The following DSCAM variants were observed in gnomAD, a reference collection of about 807,000 sequenced individuals.
The protein encoded by DSCAM is DS cell adhesion molecule.
In DSCAM, 47 loss-of-function variants were observed where a neutral mutation model predicts 217.7. That is an observed-to-expected ratio of 0.22 (90% CI 0.17 to 0.28). The LOEUF is 0.28. Among genes scored for constraint, DSCAM ranks in the 10% least tolerant of loss-of-function variants. The pLI, the probability that DSCAM is intolerant of heterozygous loss-of-function variation, is 1.00. For synonymous variants in DSCAM, 1,056 were observed against 1,015.3 expected (o/e 1.04, Z -0.76); for missense variants, 2,080 against 2,618.3 (o/e 0.79, Z 4.49).
chr21:40,663,914 T>C lies in DSCAM; in HGVS notation c.508+28896A>G, dbSNP rs138712071. ...GTCACTTGCAATCAAGAGTTCTGAA[T>C]AATGCAAATTACTGCACAAATTCAA... is the stretch of plus-strand genomic sequence containing the variant. On this transcript the variant is annotated intron_variant, in intron 3 of 32. Coordinates refer to ENST00000400454, the MANE Select transcript of DSCAM (RefSeq NM_001389.5). Among the ~76,000 whole-genome samples, 29 of 152,322 alleles carry C rather than the reference T, an allele frequency of 1.9e-4. No individual in the cohort carries two copies. In the East Asian group the frequency reaches 3.5e-3, roughly 18 times the overall value.
intron 32 of DSCAM, among the ~76,000 whole-genome samples, chr21:40,017,499 C>A (rs897119666): frequency 6.6e-6 from 1 of 152,144 alleles, no homozygotes; most frequent in Non-Finnish European, 1.5e-5. Context: ...ACGTTGGCTT[C>A]CTACTGTCAA....
intron 1 of DSCAM, among the ~76,000 whole-genome samples, chr21:40,826,371 G>T (rs1005275750): frequency 6.6e-6 from 1 of 152,204 alleles, no homozygotes; most frequent in Admixed American, 6.5e-5. Context: ...GGAGGGGGTG[G>T]GGTGGGCCAG....
Position 40,044,115 on chromosome 21 carries a change from C to G in DSCAM, c.5346G>C (p.Glu1782Asp), listed in dbSNP as rs373304031. 151 of 1,613,960 alleles carry G rather than the reference C, an allele frequency of 9.4e-5. No homozygotes were observed. Among genetic ancestry groups the G allele is most frequent in the Non-Finnish European group, 1.2e-4 (142 of 1,180,050 alleles). The change falls in exon 31 of 33, where the codon GAG (glutamate) becomes GAC (aspartate). Residue 1782 changes from glutamate to aspartate, a missense_variant. By Grantham distance (45) the Glu-to-Asp change is conservative. Transcript: ENST00000400454. ...AGGGGCTGACGCTGTAACTGTCGCT[C>G]TCTTTGTCTACTGATCCTGCAGCCC... The part of the protein sequence containing the change: ...TPRAAGSVDK[E>D]SDSYSVSPSQ...
At chr21:40,474,551 G>A (rs1430696297) in intron 3 of DSCAM, among the ~76,000 whole-genome samples, 1 of 152,162 alleles carries the variant, frequency 6.6e-6, no homozygotes, top group African/African-American at 2.4e-5. Context: ...CGCGGGAGCT[G>A]CCGCCCTCCC....
chr21:40,760,146 A>AC (rs2091317801), intron 1 of DSCAM, among the ~76,000 whole-genome samples: 1 of 151,926 alleles, frequency 6.6e-6, no homozygotes, highest in Non-Finnish European at 1.5e-5. Flanking sequence ...GGTGCATGCC[A>AC]CCACACCCAG....
At chr21:40,231,142 T>A (rs199956484) in intron 11 of DSCAM, among the ~76,000 whole-genome samples, 33 of 131,140 alleles carry the variant, frequency 2.5e-4, no homozygotes, top group Middle Eastern at 3.8e-3. Flanking sequence ...TTTTTTTTTT[T>A]AAATTTTCCG....
At chr21:40,136,990 C>T (rs374811819) in intron 18 of DSCAM, among the ~76,000 whole-genome samples, 5 of 151,832 alleles carry the variant, frequency 3.3e-5, no homozygotes, top group South Asian at 4.2e-4. Flanking sequence ...CTGGCTAACA[C>T]GGTGAAACCC....
chr21:40,638,597 T>G (rs2089837937), intron 3 of DSCAM, among the ~76,000 whole-genome samples: 1 of 152,182 alleles, frequency 6.6e-6, no homozygotes, highest in South Asian at 2.1e-4. Context: ...TCCTCTGCTC[T>G]TGCATTCCCT....
At chr21:40,528,898 C>CTTTTT (rs911356584) in intron 3 of DSCAM, among the ~76,000 whole-genome samples, 1,392 of 99,316 alleles carry the variant, frequency 0.014, 83 homozygotes, top group South Asian at 0.031. Flanking sequence ...AGGCTTTCCA[C>CTTTTT]TTTTTTTTTT....
At chr21:40,844,892 G>T (rs1391978031) in intron 1 of DSCAM, among the ~76,000 whole-genome samples, 3 of 152,158 alleles carry the variant, frequency 2.0e-5, no homozygotes, top group Non-Finnish European at 4.4e-5. Flanking sequence ...TCCCAATGGG[G>T]TGCAAATTTT....
intron 27 of DSCAM, among the ~76,000 whole-genome samples, chr21:40,073,896 T>C (rs1438565569): frequency 1.3e-5 from 2 of 152,180 alleles, no homozygotes; most frequent in Non-Finnish European, 2.9e-5. Context: ...ACCTGAATTA[T>C]TGGGCTGCAG....
chr21:40,387,376 A>G (rs1255800477), intron 3 of DSCAM, among the ~76,000 whole-genome samples: 2 of 152,170 alleles, frequency 1.3e-5, no homozygotes, highest in Admixed American at 6.5e-5. Flanking sequence ...CAAAAAAAAA[A>G]AAACAGCCTT....
At chr21:40,321,686 A>T (rs2074261377) in intron 8 of DSCAM, among the ~76,000 whole-genome samples, 1 of 150,788 alleles carries the variant, frequency 6.6e-6, no homozygotes, top group South Asian at 2.1e-4. Context: ...TAATGTTTCT[A>T]AAACATTGCT....
At chr21:40,026,957 G>GTTTC (rs1282083143) in intron 32 of DSCAM, among the ~76,000 whole-genome samples, 1 of 152,312 alleles carries the variant, frequency 6.6e-6, no homozygotes, top group African/African-American at 2.4e-5. Context: ...AGTTGATGCA[G>GTTTC]TTTCTTCCTA....
At chr21:40,222,815 T>A (rs924994181) in intron 11 of DSCAM, among the ~76,000 whole-genome samples, 13 of 152,190 alleles carry the variant, frequency 8.5e-5, no homozygotes, top group Non-Finnish European at 2.9e-5. Context: ...TTCAAGAATT[T>A]TTAAGATTAT....
At chr21:40,824,737 C>G (rs2091954939) in intron 1 of DSCAM, among the ~76,000 whole-genome samples, 1 of 152,088 alleles carries the variant, frequency 6.6e-6, no homozygotes, top group Non-Finnish European at 1.5e-5. Flanking sequence ...GATGTGTCTT[C>G]CACCATGACT....
chr21:40,525,890 G>T (rs949917479), intron 3 of DSCAM, among the ~76,000 whole-genome samples: 1 of 152,042 alleles, frequency 6.6e-6, no homozygotes, highest in Non-Finnish European at 1.5e-5. Flanking sequence ...AGCATGAACA[G>T]ACCTCAGCCA....
intron 3 of DSCAM, among the ~76,000 whole-genome samples, chr21:40,499,393 G>T (rs1259387900): frequency 6.6e-6 from 1 of 152,092 alleles, no homozygotes; most frequent in Admixed American, 6.6e-5. Context: ...CAGACATTCA[G>T]ATTAAAGCAA....
intron 3 of DSCAM, among the ~76,000 whole-genome samples, chr21:40,597,780 G>A (rs1263158328): frequency 3.3e-5 from 5 of 152,066 alleles, no homozygotes; most frequent in Non-Finnish European, 5.9e-5. Flanking sequence ...CCAAAGTGCT[G>A]GGATTACAGG....
Sources: gnomAD v4.1 joint callset for allele counts (sites outside exome capture counted in the v4.1 genomes callset) on GRCh38, gnomAD v4.1.1 for gene constraint, MANE v1.5 for transcripts, NCBI Gene and HGNC (gene_info 2026-07-23, HGNC 2026-07-21) for gene names.